GALNS: variants seen among roughly 807,000 people sequenced by gnomAD.
GALNS encodes the protein N-acetylgalactosamine-6-sulfatase.
GALNS carries 65 observed loss-of-function variants against 65.9 expected under a neutral mutation model. The observed-to-expected ratio is 0.99, with a 90% confidence interval of 0.81 to 1.21. The LOEUF (loss-of-function observed/expected upper bound fraction) is 1.21, where lower values mean the gene tolerates loss of function less well. Ranked by LOEUF, GALNS falls within the 50% of genes most tolerant of loss-of-function variation. The probability of loss-of-function intolerance (pLI) is 0.00; values close to 1 mark genes in which losing one functional copy is unlikely to be tolerated. For synonymous variants in GALNS, 346 were observed against 288.9 expected, an observed-to-expected ratio of 1.20 and a Z score of -2.00; for missense variants, 776 against 700.7, an observed-to-expected ratio of 1.11 and a Z score of -1.21.
intron 13 of GALNS, among the ~76,000 whole-genome samples, chr16:88,817,677 G>A (rs948660842): frequency 2.6e-5 from 4 of 152,206 alleles, no homozygotes; most frequent in African/African-American, 9.7e-5. Context: ...ACCCTCTCAC[G>A]CGCCCTGCTG....
chr16:88,834,607 C>A (rs1364435099), intron 8 of GALNS, among the ~76,000 whole-genome samples: 17 of 141,316 alleles, frequency 1.2e-4, no homozygotes, highest in African/African-American at 4.3e-4. Flanking sequence ...AGGGCCCCCC[C>A]CGTGTGGTCT....
intron 1 of GALNS, among the ~76,000 whole-genome samples, chr16:88,849,299 T>A (rs1229100619): frequency 1.3e-5 from 2 of 152,032 alleles, no homozygotes; most frequent in African/African-American, 4.8e-5. Flanking sequence ...TATCATTATT[T>A]TTTGAGATGG....
intron 1 of GALNS, 104 bp downstream of exon 1, chr16:88,856,654 T>G (rs1597614137): frequency 1.1e-5 from 3 of 281,954 alleles, no homozygotes; most frequent in Non-Finnish European, 2.1e-5. Flanking sequence ...CCCTCACCTC[T>G]CCCCCCACCC....
chr16:88,828,101 A>G lies in GALNS; in HGVS notation c.1003-1263T>C, dbSNP rs1911119134. Among the ~76,000 whole-genome samples, 4 of 152,362 alleles carry G rather than the reference A, an allele frequency of 2.6e-5. No individual in the cohort carries two copies. In the South Asian group the frequency reaches 6.2e-4, roughly 24 times the overall value. The stretch of plus-strand genomic sequence containing the variant: ...TGCAAAGCTCAGCGTTTGCCAGGAA[A>G]GTTCAGGAAGCTTTGCAGAAGGTGA... On this transcript the variant is annotated intron_variant, in intron 9 of 13. Coordinates refer to ENST00000268695, the MANE Select transcript of GALNS (RefSeq NM_000512.5).
In GALNS at chr16:88,827,080, G is replaced by C; in HGVS notation, c.1003-242C>G. 8.5e-6 allele frequency: 5 copies of C among 591,626 alleles called. No individual in the cohort carries two copies. In the South Asian group the frequency reaches 9.9e-5, roughly 12 times the overall value. The allele number at this position is 591,626 out of a possible 1,614,324, so 36.6% of individuals were successfully genotyped here. A position where few individuals can be genotyped will look rare whatever the true frequency, so the allele number is the denominator to read the frequency against. The stretch of plus-strand genomic sequence containing the variant: ...CCCTCACTCCCTGGCACCCTTCTCT[G>C]CCTCTGTGGATCAGATGAAAGGAGA... On this transcript the variant is annotated intron_variant, in intron 9 of 13. Transcript: ENST00000268695.
Position 88,824,886 on chromosome 16 carries a change from G to C in GALNS, c.1140-17C>G, listed in dbSNP as rs1478881249. Reference sequence around the variant, plus strand: ...AAGATAGGCCTGTGGGATGGGAGGGGAGGACCATGTAATGACAGGAAGGAC... The same window carrying C: ...AAGATAGGCCTGTGGGATGGGAGGGCAGGACCATGTAATGACAGGAAGGAC... On this transcript the variant is annotated splice_polypyrimidine_tract_variant and intron_variant, in intron 10 of 13. Transcript: ENST00000268695. 1 of 1,608,958 alleles carries C rather than the reference G, an allele frequency of 6.2e-7. No homozygotes were observed. The highest frequency in any genetic ancestry group is 8.5e-7 in the Non-Finnish European group (1 of 1,176,630).
At chr16:88,839,152 G>A (rs893042462) in intron 4 of GALNS, among the ~76,000 whole-genome samples, 7 of 148,914 alleles carry the variant, frequency 4.7e-5, no homozygotes, top group Admixed American at 2.7e-4. Flanking sequence ...ACACTCGTGC[G>A]CCCACGTCCG....
intron 10 of GALNS, 93 bp downstream of exon 10, chr16:88,826,609 A>T (rs1195737627): frequency 6.2e-6 from 9 of 1,462,648 alleles, no homozygotes; most frequent in Non-Finnish European, 8.5e-6. Flanking sequence ...CAGAACCAGG[A>T]GGGCTGCTGG....
chr16:88,823,418 T>G, intron 11 of GALNS, among the ~76,000 whole-genome samples: 1 of 152,232 alleles, frequency 6.6e-6, no homozygotes. Context: ...GCCTCTAACA[T>G]TCCCAGAGCG....
chr16:88,854,773 C>A (rs9939301), intron 1 of GALNS, among the ~76,000 whole-genome samples: 36 of 152,352 alleles, frequency 2.4e-4, no homozygotes, highest in Admixed American at 1.8e-3. Flanking sequence ...CCTGGTCTGT[C>A]GACTCAGGAG....
At chr16:88,854,362 C>T (rs1967663424) in intron 1 of GALNS, among the ~76,000 whole-genome samples, 1 of 152,206 alleles carries the variant, frequency 6.6e-6, no homozygotes. Flanking sequence ...CCCTTGCACC[C>T]TGGGCCACGT....
In GALNS at chr16:88,814,973, T is replaced by C. The variant is rs368969342; in HGVS notation, c.1483-448A>G. On this transcript the variant is annotated intron_variant, in intron 13 of 13. Coordinates refer to ENST00000268695, the MANE Select transcript of GALNS (RefSeq NM_000512.5). Reference sequence around the variant, plus strand: ...GTCTCAAACTTCTGACCTCAGGTGATCCACCTGCCTTGGCCTCCCAAAGTG... The same window carrying C: ...GTCTCAAACTTCTGACCTCAGGTGACCCACCTGCCTTGGCCTCCCAAAGTG... 5.2e-5 allele frequency: 48 copies of C among 915,386 alleles called. No homozygotes were observed. The African/African-American group carries it at 8.2e-4, about 16-fold the overall frequency. The allele number at this position is 915,386 out of a possible 1,614,324, so 56.7% of individuals were successfully genotyped here.
intron 10 of GALNS, among the ~76,000 whole-genome samples, chr16:88,825,821 C>A (rs1219311739): frequency 6.6e-6 from 1 of 152,118 alleles, no homozygotes; most frequent in African/African-American, 2.4e-5. Context: ...TGTGCCAGGT[C>A]TCGAGAGGGG....
At chr16:88,826,308 G>A (rs1440407801) in intron 10 of GALNS, among the ~76,000 whole-genome samples, 10 of 143,274 alleles carry the variant, frequency 7.0e-5, no homozygotes, top group Non-Finnish European at 1.2e-4. Flanking sequence ...CAGGGGCGGC[G>A]TGTGTCTGGG....
chr16:88,847,383 AAAC>A (rs1172073039), intron 1 of GALNS, among the ~76,000 whole-genome samples: 1 of 152,092 alleles, frequency 6.6e-6, no homozygotes, highest in Admixed American at 6.6e-5. Context: ...AAAAAATAAA[AAAC>A]AAAAACCTGC....
Position 88,822,623 on chromosome 16 carries a change from G to A in GALNS, c.1330C>T (p.Leu444=), listed in dbSNP as rs568995509. The part of the protein sequence containing the change: ...DHTKLPLIFH[L]GRDPGERFPL... ...AACCTCTCCCCTGGGTCCCGTCCCAGGTGGAAGATCAGGGGCAGCTTCGTG... is the reference window on the plus strand; with the variant it reads ...AACCTCTCCCCTGGGTCCCGTCCCAAGTGGAAGATCAGGGGCAGCTTCGTG... The change falls in exon 12 of 14, where the codon CTG becomes TTG. Residue 444 remains leucine, a synonymous_variant. Transcript: ENST00000268695. 3 of 1,613,008 alleles carry A rather than the reference G, an allele frequency of 1.9e-6. No individual in the cohort carries two copies. Among genetic ancestry groups the A allele is most frequent in the East Asian group, 2.2e-5 (1 of 44,854 alleles).
intron 8 of GALNS, among the ~76,000 whole-genome samples, chr16:88,834,398 C>T (rs201545975): frequency 2.8e-5 from 3 of 106,424 alleles, no homozygotes; most frequent in South Asian, 3.7e-4. Context: ...AGGGCCCCCC[C>T]GCGTGGTCTG....
intron 3 of GALNS, 35 bp downstream of exon 3, chr16:88,841,862 C>T: frequency 1.9e-6 from 3 of 1,594,450 alleles, no homozygotes; most frequent in South Asian, 2.3e-5. Flanking sequence ...AACCCTGCAC[C>T]CCAAGGGTGT....
In GALNS at chr16:88,835,305, A is replaced by G. The variant is rs757813864; in HGVS notation, c.806T>C (p.Leu269Pro). ...GACGTGCAGGTCTTGGAGGAGCTCCAGTATCTTCCCAATGCTGTCATCAAT... is the reference window on the plus strand; with the variant it reads ...GACGTGCAGGTCTTGGAGGAGCTCCGGTATCTTCCCAATGCTGTCATCAAT... ...REIDDSIGKI[L>P]ELLQDLHVAD... The change falls in exon 8 of 14, where the codon CTG (leucine) becomes CCG (proline). Residue 269 changes from leucine (L) to proline (P), a missense_variant. Physicochemically the swap from Leu to Pro is moderately conservative, Grantham distance 98. Coordinates refer to ENST00000268695, the MANE Select transcript of GALNS (RefSeq NM_000512.5). The G allele has an allele frequency of 1.9e-6, 3 of 1,613,646 alleles. No homozygotes were observed. Among genetic ancestry groups the G allele is most frequent in the Non-Finnish European group, 2.5e-6 (3 of 1,179,860 alleles).
Sources: gnomAD v4.1 joint callset for allele counts (sites outside exome capture counted in the v4.1 genomes callset) on GRCh38, gnomAD v4.1.1 for gene constraint, MANE v1.5 for transcripts, NCBI Gene and HGNC (gene_info 2026-07-23, HGNC 2026-07-21) for gene names.